The following RAPGEF1 variants were observed in gnomAD, a reference collection of about 807,000 sequenced individuals.
The protein encoded by RAPGEF1 is CRK SH3-binding GNRP.
RAPGEF1 carries 33 observed loss-of-function variants against 143.3 expected under a neutral mutation model. That is an observed-to-expected ratio of 0.23 (90% CI 0.17 to 0.31). The LOEUF (loss-of-function observed/expected upper bound fraction) is 0.31, where lower values mean the gene tolerates loss of function less well. RAPGEF1 is among the 10% of genes least tolerant of loss of function. The pLI, the probability that RAPGEF1 is intolerant of heterozygous loss-of-function variation, is 1.00. For synonymous variants in RAPGEF1, 629 were observed against 676.5 expected, an observed-to-expected ratio of 0.93 and a Z score of 1.09; for missense variants, 1,199 against 1,645.4, an observed-to-expected ratio of 0.73 and a Z score of 4.69.
intron 1 of RAPGEF1, chr9:131,737,386 C>T: frequency 6.2e-7 from 1 of 1,613,818 alleles, no homozygotes; most frequent in Non-Finnish European, 8.5e-7. Context: ...TTCCCGCACT[C>T]ATGACACCCC....
chr9:131,666,609 T>C (rs1830481631), intron 1 of RAPGEF1, among the ~76,000 whole-genome samples: 1 of 152,096 alleles, frequency 6.6e-6, no homozygotes, highest in South Asian at 2.1e-4. Context: ...GGTCTCGAAC[T>C]CCTGACCTCA....
At chr9:131,585,789 C>T (rs1003877521) in intron 22 of RAPGEF1, among the ~76,000 whole-genome samples, 6 of 152,020 alleles carry the variant, frequency 3.9e-5, no homozygotes, top group African/African-American at 1.5e-4. Context: ...CTAGGGGGTC[C>T]TGCCTGATGC....
intron 9 of RAPGEF1, 80 bp from the exon 10 acceptor site, chr9:131,626,502 G>C (rs939269849): frequency 1.5e-5 from 22 of 1,423,794 alleles, no homozygotes; most frequent in South Asian, 5.7e-5. Flanking sequence ...CCCGCCTCTC[G>C]CCGGCTCGCT....
At chr9:131,590,960 T>C (rs935178609) in intron 18 of RAPGEF1, among the ~76,000 whole-genome samples, 1 of 152,240 alleles carries the variant, frequency 6.6e-6, no homozygotes, top group African/African-American at 2.4e-5. Context: ...TGGCCCCATG[T>C]ATAATATGGT....
chr9:131,637,218 C>T (rs1966608007), intron 5 of RAPGEF1, among the ~76,000 whole-genome samples: 1 of 150,770 alleles, frequency 6.6e-6, no homozygotes, highest in South Asian at 2.1e-4. Flanking sequence ...GAGTGACATT[C>T]CGTCTCAGAG....
In RAPGEF1 at chr9:131,589,935, C is replaced by G; in HGVS notation, c.2818G>C (p.Val940Leu). The G allele has an allele frequency of 6.2e-7, 1 of 1,613,790 alleles. No homozygotes were observed. Among genetic ancestry groups the G allele is most frequent in the East Asian group, 2.2e-5 (1 of 44,868 alleles). Residue 940 changes from valine (V) to leucine (L), a missense_variant, in exon 19 of 27, where the codon GTC becomes CTC. Around this residue, in one of 6 missense-constraint regions of RAPGEF1, gnomAD observed 209 missense variants for 403.0 expected, o/e 0.52. Transcript: ENST00000683357. ...AGCACGAAGAACGTGTTCTTGCTGA[C>G]GCGCTTCTTGAATGTGTCGGCAAAG... ...SPFADTFKKR[V>L]SKNTFFVLVR...
At position 131,729,157 on chromosome 9, in the gene RAPGEF1, C is replaced by G. The variant is rs572055469; in HGVS notation, c.61+10613G>C. Reference sequence around the variant, plus strand: ...GGCCCAGGGGCCATGAGGCAGGTCTCCCACCTCTCAGCTCAGGCTCATGCT... The same window carrying G: ...GGCCCAGGGGCCATGAGGCAGGTCTGCCACCTCTCAGCTCAGGCTCATGCT... On this transcript the variant is annotated intron_variant, in intron 1 of 26. Transcript: ENST00000683357. Among the ~76,000 whole-genome samples the G allele has an allele frequency of 5.3e-5, 8 of 152,346 alleles. No homozygotes were observed. The East Asian group carries it at 1.5e-3, about 29-fold the overall frequency.
chr9:131,716,961 T>C (rs1191098129), intron 1 of RAPGEF1, among the ~76,000 whole-genome samples: 2 of 152,130 alleles, frequency 1.3e-5, no homozygotes, highest in Non-Finnish European at 2.9e-5. Context: ...GCCTGCACTG[T>C]AGCTCCTGTC....
intron 12 of RAPGEF1, among the ~76,000 whole-genome samples, chr9:131,608,238 G>C (rs138642384): frequency 6.6e-4 from 101 of 152,338 alleles, no homozygotes; most frequent in African/African-American, 2.1e-3. Flanking sequence ...ACGACCTCTC[G>C]GCCAGCAGCA....
intron 9 of RAPGEF1, among the ~76,000 whole-genome samples, chr9:131,627,184 A>T: frequency 7.3e-6 from 1 of 137,566 alleles, no homozygotes; most frequent in South Asian, 2.5e-4. Context: ...ACTACACTCC[A>T]GCCTGGGTGA....
chr9:131,678,188 A>G (rs1163550288), intron 1 of RAPGEF1, among the ~76,000 whole-genome samples: 3 of 152,256 alleles, frequency 2.0e-5, no homozygotes, highest in Non-Finnish European at 4.4e-5. Flanking sequence ...TCAGAAGCTT[A>G]GAACTCAAGA....
At chr9:131,630,174 G>A (rs1187152651) in intron 6 of RAPGEF1, 62 bp downstream of exon 6, 2 of 1,392,272 alleles carry the variant, frequency 1.4e-6, no homozygotes, top group South Asian at 2.3e-5. Flanking sequence ...CCCTATCCTT[G>A]TCAAGTGCAG....
chr9:131,677,771 G>A (rs901142674), intron 1 of RAPGEF1, among the ~76,000 whole-genome samples: 2 of 152,204 alleles, frequency 1.3e-5, no homozygotes, highest in Admixed American at 1.3e-4. Flanking sequence ...AGCAGACCAG[G>A]GAAGGCAAAT....
At chr9:131,631,735 T>C (rs1228667968) in intron 5 of RAPGEF1, among the ~76,000 whole-genome samples, 1 of 152,180 alleles carries the variant, frequency 6.6e-6, no homozygotes, top group Admixed American at 6.5e-5. Context: ...AAAGAGTCAG[T>C]TACCATCCTT....
chr9:131,622,043 C>T (rs1190312878), intron 10 of RAPGEF1, 45 bp from the exon 11 acceptor site: 1 of 1,551,490 alleles, frequency 6.4e-7, no homozygotes, highest in South Asian at 1.2e-5. Context: ...GGGGAGGCCA[C>T]ATCAGGGAAC....
chr9:131,690,593 T>C (rs1480295743), intron 1 of RAPGEF1, among the ~76,000 whole-genome samples: 2 of 152,018 alleles, frequency 1.3e-5, no homozygotes, highest in East Asian at 1.9e-4. Flanking sequence ...TAGCCTAGGA[T>C]GTGGAGAACA....
Position 131,626,034 on chromosome 9 carries a change from A to C in RAPGEF1, c.1590T>G (p.Phe530Leu), listed in dbSNP as rs985991825. 2 of 1,612,604 alleles carry C rather than the reference A, an allele frequency of 1.2e-6. No homozygotes were observed. Among genetic ancestry groups the C allele is most frequent in the Non-Finnish European group, 1.7e-6 (2 of 1,178,788 alleles). The change falls in exon 10 of 27, where the codon TTT (phenylalanine) becomes TTG (leucine). Residue 530 changes from phenylalanine to leucine, a missense_variant. Physicochemically the swap from Phe to Leu is conservative, Grantham distance 22. Coordinates refer to ENST00000683357, the MANE Select transcript of RAPGEF1 (RefSeq NM_001377935.1). The stretch of plus-strand genomic sequence containing the variant: ...CAGGGGCTGAGGAACCTCCATGCTG[A>C]AAGGGCAGAATAGCAGCAAAGGGCG... The part of the protein sequence containing the change: ...PYAPFAAILP[F>L]QHGGSSAPVE...
Position 131,628,451 on chromosome 9 carries a change from G to T in RAPGEF1, c.1017+98C>A, listed in dbSNP as rs773736600. 1.4e-6 allele frequency: 2 copies of T among 1,471,724 alleles called. No homozygotes were observed. The highest frequency in any genetic ancestry group is 1.4e-5 in the African/African-American group (1 of 71,458). The allele number at this position is 1,471,724 out of a possible 1,614,324, so 91.2% of individuals were successfully genotyped here. A position where few individuals can be genotyped will look rare whatever the true frequency, so the allele number is the denominator to read the frequency against. Reference sequence around the variant, plus strand: ...ACTCCTCGATGTGACAAACACCAGCGCCTGAAGACCATGGGTTTCTTTCAG... The same window carrying T: ...ACTCCTCGATGTGACAAACACCAGCTCCTGAAGACCATGGGTTTCTTTCAG... On this transcript the variant is annotated intron_variant, in intron 8 of 26. Coordinates refer to ENST00000683357, the MANE Select transcript of RAPGEF1 (RefSeq NM_001377935.1). The surrounding 1 kb of genome is among the most constrained non-coding windows in gnomAD (Gnocchi z 5.7).
At chr9:131,732,827 C>G (rs1837167410) in intron 1 of RAPGEF1, among the ~76,000 whole-genome samples, 1 of 152,202 alleles carries the variant, frequency 6.6e-6, no homozygotes. Flanking sequence ...CTATTGCGTT[C>G]AAGGCACCGT....
Sources: gnomAD v4.1 joint callset for allele counts (sites outside exome capture counted in the v4.1 genomes callset) on GRCh38, gnomAD v4.1.1 for gene constraint, gnomAD v4.1.1 regional missense constraint, Gnocchi (gnomAD v3.1) non-coding constraint, MANE v1.5 for transcripts, NCBI Gene and HGNC (gene_info 2026-07-23, HGNC 2026-07-21) for gene names.